The following WDR27 variants were observed in gnomAD, a reference collection of about 807,000 sequenced individuals.
The protein encoded by WDR27 is WD repeat-containing protein 27.
A neutral mutation model predicts 114.4 loss-of-function variants in WDR27; 100 were observed. The ratio of observed to expected loss-of-function variants is 0.87; its 90% CI spans 0.74 to 1.03. The LOEUF is 1.03. Ranked by LOEUF, WDR27 falls within the 50% of genes least tolerant of loss-of-function variation. The probability of loss-of-function intolerance (pLI) is 0.00; values close to 1 mark genes in which losing one functional copy is unlikely to be tolerated. For missense variants in WDR27, 1,129 were observed against 1,092.9 expected, an observed-to-expected ratio of 1.03 and a Z score of -0.47; for synonymous variants, 449 against 423.1, an observed-to-expected ratio of 1.06 and a Z score of -0.75.
chr6:169,655,924 G>A (rs6927257), intron 13 of WDR27, among the ~76,000 whole-genome samples: 11,985 of 152,144 alleles, frequency 0.079, 574 homozygotes, highest in African/African-American at 0.1. Context: ...GGGTTTCAGC[G>A]TGTTAGCCAT....
chr6:169,656,836 A>G (rs2128253468), intron 13 of WDR27, among the ~76,000 whole-genome samples: 2 of 152,286 alleles, frequency 1.3e-5, no homozygotes, highest in Middle Eastern at 6.8e-3. Context: ...TCAATGGTGA[A>G]TAATTAGCAC....
intron 13 of WDR27, 64 bp downstream of exon 13, chr6:169,658,212 G>T: frequency 1.5e-6 from 2 of 1,308,080 alleles, no homozygotes; most frequent in Non-Finnish European, 2.2e-6. Context: ...CAATGCAGCA[G>T]CCCTAACCAC....
chr6:169,464,477 G>A (rs1785293125), intron 25 of WDR27, among the ~76,000 whole-genome samples: 1 of 152,200 alleles, frequency 6.6e-6, no homozygotes, highest in Non-Finnish European at 1.5e-5. Context: ...GGTTGGCAAT[G>A]ATCTATTGGA....
chr6:169,613,605 T>C lies in WDR27; in HGVS notation c.2275A>G (p.Thr759Ala), dbSNP rs765196584. The change falls in exon 22 of 26, where the codon ACG (threonine) becomes GCG (alanine). Residue 759 changes from threonine to alanine, a missense_variant. Thr to Ala is a moderately conservative substitution (Grantham distance 58, BLOSUM62 0). Coordinates refer to ENST00000448612, the MANE Select transcript of WDR27 (RefSeq NM_182552.5). ...QPQAYNLFLT[T>A]AIGDGMRLWD... ...AGTCTCATCCCATCGCCAATGGCCG[T>C]GGTCAGGAAAAGGTTATAAGCCTGA... 3 of 1,613,598 alleles carry C rather than the reference T, an allele frequency of 1.9e-6. No homozygotes were observed. The highest frequency in any genetic ancestry group is 2.7e-5 in the African/African-American group (2 of 74,848).
chr6:169,682,798 T>C (rs1460076607), intron 2 of WDR27, among the ~76,000 whole-genome samples: 1 of 152,212 alleles, frequency 6.6e-6, no homozygotes, highest in Non-Finnish European at 1.5e-5. Flanking sequence ...TCAAAATAGC[T>C]GTTTTAAGGA....
intron 22 of WDR27, among the ~76,000 whole-genome samples, chr6:169,602,827 ATTCTTTTTTTTTT>A (rs1302589733): frequency 2.0e-5 from 3 of 151,550 alleles, no homozygotes; most frequent in Non-Finnish European, 4.4e-5. Flanking sequence ...TACAAAGATA[ATTCTTTTTTTTTT>A]TTCTTTTTTT....
At chr6:169,653,827 G>A (rs1352359301) in intron 13 of WDR27, among the ~76,000 whole-genome samples, 2 of 152,232 alleles carry the variant, frequency 1.3e-5, no homozygotes, top group Non-Finnish European at 2.9e-5. Context: ...AGGGAGGTGA[G>A]GGCAGAAAGG....
At chr6:169,458,432 C>T (rs1452750035) in intron 25 of WDR27, among the ~76,000 whole-genome samples, 2 of 133,592 alleles carry the variant, frequency 1.5e-5, no homozygotes, top group African/African-American at 3.4e-5. Context: ...AAGGAGTCAG[C>T]GCCCTTGACC....
chr6:169,520,502 C>T (rs968712905), intron 25 of WDR27, among the ~76,000 whole-genome samples: 2 of 151,804 alleles, frequency 1.3e-5, no homozygotes, highest in Non-Finnish European at 1.5e-5. Context: ...TACATGCACA[C>T]GAAACAACAG....
chr6:169,669,172 A>G (rs181430393), intron 4 of WDR27, among the ~76,000 whole-genome samples: 1 of 152,362 alleles, frequency 6.6e-6, no homozygotes, highest in African/African-American at 2.4e-5. Flanking sequence ...GGAAATGCTC[A>G]GTATTCATTT....
At chr6:169,480,151 G>A (rs1300411146) in intron 25 of WDR27, among the ~76,000 whole-genome samples, 1 of 152,224 alleles carries the variant, frequency 6.6e-6, no homozygotes, top group Non-Finnish European at 1.5e-5. Flanking sequence ...GGTGCCACCG[G>A]CCCCAGGCAG....
At chr6:169,670,729 A>G in intron 3 of WDR27, 36 bp from the exon 4 acceptor site, 1 of 1,611,940 alleles carries the variant, frequency 6.2e-7, no homozygotes, top group Non-Finnish European at 8.5e-7. Flanking sequence ...CAGTTTACCA[A>G]ATGCATTCAG....
chr6:169,670,828 G>T, intron 3 of WDR27, 135 bp from the exon 4 acceptor site: 1 of 1,234,252 alleles, frequency 8.1e-7, no homozygotes, highest in Non-Finnish European at 1.1e-6. Context: ...ATGTGATTTT[G>T]ATTCTTTAAG....
chr6:169,571,350 A>G (rs954235267), intron 25 of WDR27, among the ~76,000 whole-genome samples: 11 of 152,198 alleles, frequency 7.2e-5, no homozygotes, highest in Non-Finnish European at 1.6e-4. Context: ...TTGCATTTCT[A>G]TTTGTACAAT....
chr6:169,449,056 A>C, the WDR27 span, among the ~76,000 whole-genome samples: 2 of 152,190 alleles, frequency 1.3e-5, no homozygotes, highest in African/African-American at 4.8e-5. Flanking sequence ...TAGTCAAAAA[A>C]CTTGCCTACG....
chr6:169,552,763 A>G (rs1277561923), intron 25 of WDR27, among the ~76,000 whole-genome samples: 2 of 152,230 alleles, frequency 1.3e-5, no homozygotes, highest in Non-Finnish European at 2.9e-5. Flanking sequence ...CCATATATGT[A>G]AAAATGAATT....
At chr6:169,670,434 T>TA in intron 4 of WDR27, 135 bp downstream of exon 4, 2 of 919,610 alleles carry the variant, frequency 2.2e-6, no homozygotes, top group Non-Finnish European at 3.1e-6. Flanking sequence ...TTTATAAAAG[T>TA]AAACTAAATT....
chr6:169,606,111 CTTAA>C (rs1375069732), intron 22 of WDR27, among the ~76,000 whole-genome samples: 1 of 152,038 alleles, frequency 6.6e-6, no homozygotes, highest in Non-Finnish European at 1.5e-5. Flanking sequence ...ACAAATATGA[CTTAA>C]TTAAACAAAA....
intron 25 of WDR27, among the ~76,000 whole-genome samples, chr6:169,473,280 C>T (rs1786671983): frequency 6.6e-6 from 1 of 152,182 alleles, no homozygotes. Flanking sequence ...TCAGCTCATC[C>T]CCAGAGGCAA....
Sources: gnomAD v4.1 joint callset for allele counts (sites outside exome capture counted in the v4.1 genomes callset) on GRCh38, gnomAD v4.1.1 for gene constraint, MANE v1.5 for transcripts, NCBI Gene and HGNC (gene_info 2026-07-23, HGNC 2026-07-21) for gene names.